The following CLCN3 variants were observed in gnomAD, a reference collection of about 807,000 sequenced individuals.
CLCN3 encodes the protein H(+)/Cl(-) exchange transporter 3.
In CLCN3, 16 loss-of-function variants were observed where a neutral mutation model predicts 83.4. The observed-to-expected ratio is 0.19, with a 90% CI of 0.13 to 0.29. CLCN3 has a LOEUF of 0.29. Ranked by LOEUF, CLCN3 falls within the 10% of genes least tolerant of loss-of-function variation. CLCN3 has a pLI of 1.00. For missense variants in CLCN3, 544 were observed against 1,006.0 expected (o/e 0.54, Z 6.21); for synonymous variants, 322 against 346.2 (o/e 0.93, Z 0.78).
intron 9 of CLCN3, among the ~76,000 whole-genome samples, chr4:169,701,148 T>G (rs565045279): frequency 6.6e-6 from 1 of 152,246 alleles, no homozygotes; most frequent in Admixed American, 6.5e-5. Flanking sequence ...CAACTAAGTT[T>G]AAGGAAAATT....
chr4:169,638,539 T>G (rs1328133036), intron 2 of CLCN3, among the ~76,000 whole-genome samples: 5 of 152,202 alleles, frequency 3.3e-5, no homozygotes, highest in African/African-American at 9.6e-5. Context: ...AATACATATA[T>G]TCATAATTTG....
At chr4:169,701,644 G>A (rs548211274) in intron 9 of CLCN3, among the ~76,000 whole-genome samples, 167 of 152,184 alleles carry the variant, frequency 1.1e-3, no homozygotes, top group Non-Finnish European at 2.1e-3. Context: ...AGAATTCTAC[G>A]GAGGGACATA....
At chr4:169,673,024 C>A (rs1378038399) in intron 2 of CLCN3, among the ~76,000 whole-genome samples, 1 of 152,098 alleles carries the variant, frequency 6.6e-6, no homozygotes, top group Non-Finnish European at 1.5e-5. Context: ...AGAAACAGTG[C>A]AATAGGATTA....
chr4:169,630,396 T>G (rs548639678), intron 1 of CLCN3, among the ~76,000 whole-genome samples: 78 of 152,376 alleles, frequency 5.1e-4, no homozygotes, highest in Admixed American at 1.4e-3. Context: ...TGGTTTTCTG[T>G]TACTGTGTTA....
chr4:169,690,430 C>T, intron 5 of CLCN3, 100 bp from the exon 6 acceptor site: 3 of 1,234,888 alleles, frequency 2.4e-6, no homozygotes, highest in East Asian at 2.4e-5. Context: ...CAGGCGTGAG[C>T]CACCATGCCT....
intron 2 of CLCN3, among the ~76,000 whole-genome samples, chr4:169,658,748 A>T (rs960003275): frequency 3.3e-5 from 5 of 152,014 alleles, no homozygotes; most frequent in Non-Finnish European, 7.4e-5. Context: ...CTACTATCCT[A>T]TCAAAAATTT....
chr4:169,638,357 A>G (rs55929104), intron 2 of CLCN3, among the ~76,000 whole-genome samples: 11,425 of 152,172 alleles, frequency 0.075, 479 homozygotes, highest in African/African-American at 0.12. Context: ...GGTTGAGACT[A>G]TTGGGTTTTA....
At chr4:169,661,395 T>C (rs190446413) in intron 2 of CLCN3, among the ~76,000 whole-genome samples, 1 of 152,288 alleles carries the variant, frequency 6.6e-6, no homozygotes, top group African/African-American at 2.4e-5. Flanking sequence ...AGTAATAATG[T>C]TTTTCTAATA....
At chr4:169,669,973 G>A (rs1228830346) in intron 2 of CLCN3, among the ~76,000 whole-genome samples, 1 of 152,118 alleles carries the variant, frequency 6.6e-6, no homozygotes, top group Non-Finnish European at 1.5e-5. Context: ...GGGGTTGTTT[G>A]TTTTTTTCTT....
intron 2 of CLCN3, chr4:169,660,598 C>A: frequency 2.2e-6 from 1 of 445,870 alleles, no homozygotes; most frequent in Non-Finnish European, 3.7e-6. Context: ...GAAAATGCAA[C>A]CTTCTGAATG....
chr4:169,672,084 C>T (rs1466489382), intron 2 of CLCN3, among the ~76,000 whole-genome samples: 4 of 151,802 alleles, frequency 2.6e-5, no homozygotes, highest in African/African-American at 4.8e-5. Context: ...TGGTGGTGGG[C>T]GCCTGTAGTC....
chr4:169,719,822 C>G, intron 12 of CLCN3, 85 bp from the exon 13 acceptor site: 1 of 1,102,646 alleles, frequency 9.1e-7, no homozygotes, highest in Non-Finnish European at 1.3e-6. Flanking sequence ...CTATTCCTGT[C>G]AACAAAAAGG....
At chr4:169,695,187 C>G (rs1011918165) in intron 7 of CLCN3, among the ~76,000 whole-genome samples, 2 of 152,126 alleles carry the variant, frequency 1.3e-5, no homozygotes, top group Non-Finnish European at 2.9e-5. Context: ...GCATATCTTG[C>G]TACGATTTGG....
chr4:169,660,067 T>A (rs1237664793), intron 2 of CLCN3: 1 of 1,020,014 alleles, frequency 9.8e-7, no homozygotes, highest in Non-Finnish European at 1.2e-6. Flanking sequence ...AAACCAGTTT[T>A]GTGTGTTGTA....
rs533964256 is a variant in CLCN3 at position 169,625,952 on chromosome 4, G to C, written c.-17+4889G>C. On this transcript the variant is annotated intron_variant, in intron 1 of 12. Coordinates refer to ENST00000513761, the MANE Select transcript of CLCN3 (RefSeq NM_001829.4). Reference sequence around the variant, plus strand: ...TTAGTTCTGCAGCAGATACCAACTGGGTGCCCCCCGGTTCCAATACGGTGT... The same window carrying C: ...TTAGTTCTGCAGCAGATACCAACTGCGTGCCCCCCGGTTCCAATACGGTGT... Among the ~76,000 whole-genome samples, 12 of 152,248 alleles carry C rather than the reference G, an allele frequency of 7.9e-5. 2 individuals carry two copies. Among genetic ancestry groups the C allele is most frequent in the African/African-American group, 2.6e-4 (11 of 41,538 alleles).
intron 2 of CLCN3, among the ~76,000 whole-genome samples, chr4:169,671,564 T>G (rs1161491113): frequency 6.6e-6 from 1 of 152,150 alleles, no homozygotes; most frequent in Non-Finnish European, 1.5e-5. Flanking sequence ...TGTGCACCTA[T>G]GTAACAAACC....
In CLCN3 at chr4:169,663,992, G is replaced by A. The variant is rs75791226; in HGVS notation, c.161-16058G>A. Among the ~76,000 whole-genome samples the A allele has an allele frequency of 2.8e-3, 429 of 152,316 alleles. 11 individuals are homozygous for A. The East Asian group carries it at 0.062, about 22-fold the overall frequency. On this transcript the variant is annotated intron_variant, in intron 2 of 12. Coordinates refer to ENST00000513761, the MANE Select transcript of CLCN3 (RefSeq NM_001829.4). ...ACAGATTAGTCTGCTTTTGACAAGT[G>A]TTATCAAAGTAGACTGTTCTCACAT...
intron 2 of CLCN3, among the ~76,000 whole-genome samples, chr4:169,663,990 G>A (rs1173944375): frequency 1.3e-5 from 2 of 152,212 alleles, no homozygotes; most frequent in Non-Finnish European, 2.9e-5. Flanking sequence ...CTTTTGACAA[G>A]TGTTATCAAA....
chr4:169,704,688 C>T (rs1306782735), intron 10 of CLCN3, among the ~76,000 whole-genome samples: 1 of 152,120 alleles, frequency 6.6e-6, no homozygotes, highest in Non-Finnish European at 1.5e-5. Flanking sequence ...GAAAAGGTAA[C>T]TTCATTTTAA....
Sources: gnomAD v4.1 joint callset for allele counts (sites outside exome capture counted in the v4.1 genomes callset) on GRCh38, gnomAD v4.1.1 for gene constraint, MANE v1.5 for transcripts, NCBI Gene and HGNC (gene_info 2026-07-23, HGNC 2026-07-21) for gene names.